The following COL4A4 variants were observed in gnomAD, a reference collection of about 807,000 sequenced individuals.
COL4A4 encodes the protein collagen type IV alpha 4 chain.
Under a neutral mutation model 192.9 loss-of-function variants are expected in COL4A4, and 105 were observed. The ratio of observed to expected loss-of-function variants is 0.54; its 90% CI spans 0.46 to 0.64. The LOEUF is 0.64. Ranked by LOEUF, COL4A4 falls within the 30% of genes least tolerant of loss-of-function variation. COL4A4 has a pLI of 0.00. For synonymous variants in COL4A4, 762 were observed against 769.9 expected (o/e 0.99, Z 0.17); for missense variants, 1,967 against 2,169.3 (o/e 0.91, Z 1.85).
chr2:227,006,936 C>G lies in COL4A4; in HGVS notation c.*389G>C, dbSNP rs1319619892. 2 of 211,866 alleles carry G rather than the reference C, an allele frequency of 9.4e-6. No individual in the cohort carries two copies. Among genetic ancestry groups the G allele is most frequent in the Admixed American group, 5.3e-5 (1 of 19,004 alleles). The allele number at this position is 211,866 out of a possible 1,614,324, so 13.1% of individuals were successfully genotyped here. On this transcript the variant is annotated 3_prime_UTR_variant, in exon 48 of 48. Coordinates refer to ENST00000396625, the MANE Select transcript of COL4A4 (RefSeq NM_000092.5). ...CCTATAAAATCCATCCAGAAGCCCACTGTATTATAGAGTAATTGACTTCAA... is the reference window on the plus strand; with the variant it reads ...CCTATAAAATCCATCCAGAAGCCCAGTGTATTATAGAGTAATTGACTTCAA...
At chr2:227,060,680 T>A (rs1352502616) in intron 26 of COL4A4, among the ~76,000 whole-genome samples, 1 of 152,000 alleles carries the variant, frequency 6.6e-6, no homozygotes, top group Non-Finnish European at 1.5e-5. Flanking sequence ...GAATTTGCCC[T>A]TAAATGAAGT....
rs146913222 is a variant in COL4A4 at position 227,082,085 on chromosome 2, G to A, written c.1696+30C>T. ...GGGTCCATACATCATTCATAAAATG[G>A]CAGGGAGTTAAGTGATTGATTATGC... On this transcript the variant is annotated intron_variant, in intron 23 of 47. Transcript: ENST00000396625. 5.7e-6 allele frequency: 9 copies of A among 1,583,846 alleles called. No homozygotes were observed. In the African/African-American group the frequency reaches 9.4e-5, roughly 17 times the overall value.
chr2:227,012,429 A>G, intron 44 of COL4A4, 132 bp from the exon 45 acceptor site: 1 of 737,822 alleles, frequency 1.4e-6, no homozygotes, highest in Non-Finnish European at 2.4e-6. Context: ...GCATCAGCTC[A>G]TTTAGTCTTT....
chr2:227,104,596 TAAATAAAA>T (rs1296267793), intron 12 of COL4A4, among the ~76,000 whole-genome samples: 2 of 102,118 alleles, frequency 2.0e-5, no homozygotes, highest in African/African-American at 3.7e-5. Context: ...AATAAATAAA[TAAATAAAA>T]AATCCTACTA....
chr2:227,041,848 G>GAGAAAGAAAGAGAAAGAA (rs1971310289), intron 37 of COL4A4, among the ~76,000 whole-genome samples: 4 of 38,730 alleles, frequency 1.0e-4, no homozygotes, highest in Non-Finnish European at 1.4e-4. Flanking sequence ...AAGAAAGAAA[G>GAGAAAGAAAGAGAAAGAA]AGAAAGAAAG....
intron 30 of COL4A4, 33 bp from the exon 31 acceptor site, chr2:227,054,770 ATATTT>A (rs1451379653): frequency 1.3e-5 from 20 of 1,596,328 alleles, no homozygotes; most frequent in Non-Finnish European, 1.6e-5. Context: ...TTTTAGGAAA[ATATTT>A]TATTTGTTAT....
chr2:226,998,240 T>A (rs1353518445), downstream of COL4A4: 5 of 152,184 alleles, frequency 3.3e-5, no homozygotes, highest in African/African-American at 1.2e-4. Flanking sequence ...TGTACATAAT[T>A]GTTCAGACCT....
At chr2:226,973,872 T>C in the COL4A4 span, among the ~76,000 whole-genome samples, 37 of 152,346 alleles carry the variant, frequency 2.4e-4, no homozygotes, top group South Asian at 7.0e-3. Flanking sequence ...GTTAGAATTG[T>C]GATTCTGCCT....
chr2:227,092,694 C>T (rs939129709), intron 20 of COL4A4, among the ~76,000 whole-genome samples: 12 of 152,176 alleles, frequency 7.9e-5, no homozygotes, highest in Admixed American at 2.0e-4. Context: ...ATAATTTATA[C>T]TTTATATGGC....
Position 227,110,948 on chromosome 2 carries a change from GGGAT to G in COL4A4, c.594+726_594+729del, listed in dbSNP as rs372638525. Among the ~76,000 whole-genome samples the G allele has an allele frequency of 1.3e-4, 20 of 152,282 alleles. No individual in the cohort carries two copies. In the East Asian group the frequency reaches 3.9e-3, roughly 29 times the overall value. On this transcript the variant is annotated intron_variant, in intron 9 of 47. Coordinates refer to ENST00000396625, the MANE Select transcript of COL4A4 (RefSeq NM_000092.5). ...ACCTGCCTTGGCCTCCCAAAGTGCT[GGGAT>G]TACAGGCATGAGCCACCACGCCTGG... is the stretch of plus-strand genomic sequence containing the variant.
chr2:226,976,340 G>A, the COL4A4 span, among the ~76,000 whole-genome samples: 1 of 150,372 alleles, frequency 6.7e-6, no homozygotes, highest in Non-Finnish European at 1.5e-5. Flanking sequence ...TGTCTAGTCA[G>A]TGACTTCCCA....
At chr2:227,058,221 T>C (rs1166538169) in intron 28 of COL4A4, among the ~76,000 whole-genome samples, 1 of 152,212 alleles carries the variant, frequency 6.6e-6, no homozygotes, top group Admixed American at 6.5e-5. Context: ...AAATATGATT[T>C]AAATTGCTAA....
chr2:226,994,630 T>G, the COL4A4 span, among the ~76,000 whole-genome samples: 1 of 152,212 alleles, frequency 6.6e-6, no homozygotes, highest in African/African-American at 2.4e-5. Context: ...GTGATGTGTC[T>G]TCCTGGTTTC....
intron 4 of COL4A4, among the ~76,000 whole-genome samples, chr2:227,125,986 T>G (rs2125096562): frequency 6.6e-6 from 1 of 152,282 alleles, no homozygotes. Context: ...GGTAGCCCAC[T>G]TCTACCCCAA....
chr2:227,110,216 T>C (rs73993630), intron 9 of COL4A4, among the ~76,000 whole-genome samples: 8,972 of 152,146 alleles, frequency 0.059, 868 homozygotes, highest in African/African-American at 0.2. Flanking sequence ...GGTCAAATGA[T>C]TGGGGAGTGT....
At chr2:226,996,988 AT>A in the COL4A4 span, 1 of 152,170 alleles carries the variant, frequency 6.6e-6, no homozygotes, top group African/African-American at 2.4e-5. Flanking sequence ...GTATTGTCTT[AT>A]CAATTTTTCC....
intron 1 of COL4A4, among the ~76,000 whole-genome samples, chr2:227,154,113 C>T (rs917566792): frequency 6.6e-6 from 1 of 152,192 alleles, no homozygotes; most frequent in Non-Finnish European, 1.5e-5. Context: ...CAACCTCTTT[C>T]CCAGCGGCAG....
chr2:227,046,026 A>T (rs1972725358), intron 35 of COL4A4, among the ~76,000 whole-genome samples: 1 of 136,132 alleles, frequency 7.3e-6, no homozygotes, highest in Non-Finnish European at 1.5e-5. Flanking sequence ...ATATATGTAT[A>T]TATGTATACA....
rs1553611347 is a variant in COL4A4 at position 227,006,548 on chromosome 2, A to C, written c.*777T>G. The C allele has an allele frequency of 6.1e-5, 7 of 114,748 alleles. No individual in the cohort carries two copies. Among genetic ancestry groups the C allele is most frequent in the Non-Finnish European group, 1.2e-4 (7 of 56,416 alleles). 7.1% of individuals were successfully genotyped at this position (114,748 alleles called of 1,614,324 possible). A position where few individuals can be genotyped will look rare whatever the true frequency, so the allele number is the denominator to read the frequency against. On this transcript the variant is annotated 3_prime_UTR_variant, in exon 48 of 48. Transcript: ENST00000396625. ...TTTTAGGCTCCTAATCTCTTATTGA[A>C]TATTTTTTTTCCATAATTGCTACTT...
Sources: allele counts gnomAD v4.1 joint callset (sites outside exome capture counted in the v4.1 genomes callset), GRCh38; gene constraint gnomAD v4.1.1; transcripts MANE v1.5; gene names NCBI Gene and HGNC (gene_info 2026-07-23, HGNC 2026-07-21).